Variants in RUNX1 observed in about 807,000 individuals in gnomAD.
RUNX1 encodes the protein runt-related transcription factor 1.
In RUNX1, 19 loss-of-function variants were observed where a neutral mutation model predicts 42.8. The ratio of observed to expected loss-of-function variants is 0.44; its 90% confidence interval spans 0.31 to 0.65. The LOEUF is 0.65. Ranked by LOEUF, RUNX1 falls within the 30% of genes least tolerant of loss-of-function variation. The pLI is 0.07. For synonymous variants in RUNX1, 271 were observed against 289.4 expected, an observed-to-expected ratio of 0.94 and a Z score of 0.64; for missense variants, 528 against 672.0, an observed-to-expected ratio of 0.79 and a Z score of 2.37.
intron 2 of RUNX1, among the ~76,000 whole-genome samples, chr21:35,001,160 C>T (rs2059039158): frequency 6.6e-6 from 1 of 152,002 alleles, no homozygotes; most frequent in Non-Finnish European, 1.5e-5. Context: ...ATTTTTTTTA[C>T]TTCCATTTGC....
chr21:34,889,804 G>C, intron 3 of RUNX1: 4 of 1,129,160 alleles, frequency 3.5e-6, no homozygotes, highest in Non-Finnish European at 4.4e-6. Context: ...CCCGCCCGGC[G>C]GGGCTCCCTC....
chr21:34,946,432 C>T (rs1189713577), intron 2 of RUNX1, among the ~76,000 whole-genome samples: 1 of 152,144 alleles, frequency 6.6e-6, no homozygotes, highest in African/African-American at 2.4e-5. Flanking sequence ...GGACTCTCCT[C>T]CTTCACACTT....
chr21:34,810,077 G>GTCT (rs2056738511), intron 7 of RUNX1, among the ~76,000 whole-genome samples: 1 of 152,214 alleles, frequency 6.6e-6, no homozygotes, highest in Non-Finnish European at 1.5e-5. Flanking sequence ...ACCTCTGGTG[G>GTCT]GAGAGGCCGA....
chr21:34,961,114 G>A (rs1403433041), intron 2 of RUNX1, among the ~76,000 whole-genome samples: 1 of 152,084 alleles, frequency 6.6e-6, no homozygotes, highest in Non-Finnish European at 1.5e-5. Flanking sequence ...GGTGGCTCAC[G>A]CCTGTAATCC....
rs1239181806 is a variant in RUNX1 at position 34,790,739 on chromosome 21, T to C, written c.*1396A>G. 2 of 233,138 alleles carry C rather than the reference T, an allele frequency of 8.6e-6. No individual in the cohort carries two copies. Among genetic ancestry groups the C allele is most frequent in the Non-Finnish European group, 1.7e-5 (2 of 118,052 alleles). 14.4% of individuals were successfully genotyped at this position (233,138 alleles called of 1,614,324 possible). On this transcript the variant is annotated 3_prime_UTR_variant, in exon 9 of 9. Coordinates refer to ENST00000675419, the MANE Select transcript of RUNX1 (RefSeq NM_001754.5). ...AGGTGGGACCATGTTTTCCCACTTG[T>C]CTCCACTGAGGCACACAGAGGCAAA...
intron 4 of RUNX1, among the ~76,000 whole-genome samples, chr21:34,884,204 T>C (rs900527776): frequency 8.5e-5 from 13 of 152,192 alleles, no homozygotes; most frequent in Non-Finnish European, 1.6e-4. Context: ...AATAAAGGTG[T>C]TCCATGGGAG....
intron 5 of RUNX1, among the ~76,000 whole-genome samples, chr21:34,878,171 A>C (rs1333780056): frequency 1.7e-5 from 1 of 57,948 alleles, no homozygotes. Context: ...GCAAATTGCA[A>C]AAAAAAAAAA....
intron 2 of RUNX1, among the ~76,000 whole-genome samples, chr21:35,028,030 C>T (rs1471292354): frequency 1.3e-5 from 2 of 152,202 alleles, no homozygotes; most frequent in Non-Finnish European, 2.9e-5. Flanking sequence ...CTCCAGACAG[C>T]AGCTAGAACA....
chr21:34,985,945 C>T (rs1050415022), intron 2 of RUNX1, among the ~76,000 whole-genome samples: 10 of 147,414 alleles, frequency 6.8e-5, no homozygotes, highest in Non-Finnish European at 1.3e-4. Context: ...CGATCATGGT[C>T]GCTGCAGCCT....
intron 7 of RUNX1, chr21:34,833,041 A>T (rs1368377183): frequency 2.0e-5 from 3 of 152,264 alleles, no homozygotes; most frequent in Non-Finnish European, 4.4e-5. Context: ...AGCTAATGGC[A>T]TGGGCTGTCA....
At chr21:35,046,592 T>A (rs944254120) in intron 2 of RUNX1, among the ~76,000 whole-genome samples, 4 of 152,190 alleles carry the variant, frequency 2.6e-5, no homozygotes, top group Non-Finnish European at 4.4e-5. Flanking sequence ...TCTTCTAGCA[T>A]CAAGCTCTAA....
intron 2 of RUNX1, among the ~76,000 whole-genome samples, chr21:35,012,846 A>T (rs1459152785): frequency 6.6e-6 from 1 of 152,138 alleles, no homozygotes; most frequent in African/African-American, 2.4e-5. Context: ...GCGTCAGAAA[A>T]CTTTTATGGT....
At chr21:34,986,045 G>A (rs1027923638) in intron 2 of RUNX1, among the ~76,000 whole-genome samples, 62 of 151,818 alleles carry the variant, frequency 4.1e-4, no homozygotes, top group African/African-American at 1.4e-3. Context: ...GCTAATTTTT[G>A]TATTTTTTGT....
chr21:34,986,015 G>A (rs1220297722), intron 2 of RUNX1, among the ~76,000 whole-genome samples: 6 of 151,886 alleles, frequency 4.0e-5, no homozygotes, highest in Non-Finnish European at 7.4e-5. Flanking sequence ...TGGTACTACA[G>A]GCATGCACCA....
In RUNX1 at chr21:35,048,861, G is replaced by A; in HGVS notation, c.39C>T (p.Tyr13=). Residue 13 remains tyrosine (Y), a synonymous_variant, in exon 2 of 9, where the codon TAC becomes TAT. Transcript: ENST00000675419. The part of the protein sequence containing the change: ...SDSIFESFPS[Y]PQCFMRECIL... ...ACTCACCTCTCATGAAGCACTGTGG[G>A]TACGAAGGAAATGACTCAAATATGC... is the stretch of plus-strand genomic sequence containing the variant. 1.2e-6 allele frequency: 2 copies of A among 1,613,862 alleles called. No individual in the cohort carries two copies. Among genetic ancestry groups the A allele is most frequent in the Non-Finnish European group, 1.7e-6 (2 of 1,179,822 alleles).
chr21:34,898,185 T>C (rs2146475231), intron 2 of RUNX1, among the ~76,000 whole-genome samples: 1 of 152,154 alleles, frequency 6.6e-6, no homozygotes, highest in East Asian at 1.9e-4. Flanking sequence ...GAGGTGAATT[T>C]CTCCCTAAAG....
At chr21:35,019,996 G>C (rs1183777856) in intron 2 of RUNX1, among the ~76,000 whole-genome samples, 1 of 152,144 alleles carries the variant, frequency 6.6e-6, no homozygotes, top group East Asian at 1.9e-4. Context: ...TGTTTACATA[G>C]TCTTAGGCGG....
intron 6 of RUNX1, among the ~76,000 whole-genome samples, chr21:34,847,583 C>G (rs1239782366): frequency 6.6e-6 from 1 of 152,056 alleles, no homozygotes; most frequent in Non-Finnish European, 1.5e-5. Flanking sequence ...TCCTCAAGAA[C>G]CCTGTGCAGT....
At chr21:34,898,769 G>T (rs542253004) in intron 2 of RUNX1, among the ~76,000 whole-genome samples, 8 of 152,262 alleles carry the variant, frequency 5.3e-5, no homozygotes, top group African/African-American at 1.9e-4. Flanking sequence ...CTGAGCCCCT[G>T]TGAGTCTGGT....
Sources: gnomAD v4.1 joint callset for allele counts (sites outside exome capture counted in the v4.1 genomes callset) on GRCh38, gnomAD v4.1.1 for gene constraint, MANE v1.5 for transcripts, NCBI Gene and HGNC (gene_info 2026-07-23, HGNC 2026-07-21) for gene names.